SCFD2: variants seen among roughly 807,000 people sequenced by gnomAD.
The protein encoded by SCFD2 is sec1 family domain-containing protein 2.
Under a neutral mutation model 58.9 loss-of-function variants are expected in SCFD2, and 54 were observed. The observed-to-expected ratio is 0.92, with a 90% CI of 0.74 to 1.15. SCFD2 has a LOEUF of 1.15. Among genes scored for constraint, SCFD2 ranks in the 50% most tolerant of loss-of-function variants. SCFD2 has a pLI of 0.00. For synonymous variants in SCFD2, 321 were observed against 335.9 expected (o/e 0.96, Z 0.49); for missense variants, 805 against 836.6 (o/e 0.96, Z 0.47).
intron 5 of SCFD2, among the ~76,000 whole-genome samples, chr4:53,031,536 G>C (rs1722615484): frequency 6.6e-6 from 1 of 152,126 alleles, no homozygotes; most frequent in South Asian, 2.1e-4. Flanking sequence ...CCATGACAAA[G>C]ACAAAAGTTT....
intron 1 of SCFD2, among the ~76,000 whole-genome samples, chr4:53,359,160 T>C (rs1384971267): frequency 6.6e-6 from 1 of 152,224 alleles, no homozygotes; most frequent in African/African-American, 2.4e-5. Flanking sequence ...GAAACTTGTC[T>C]ACATTGTAAA....
intron 5 of SCFD2, among the ~76,000 whole-genome samples, chr4:53,012,812 TTC>T (rs1386133262): frequency 2.6e-5 from 3 of 115,920 alleles, no homozygotes; most frequent in East Asian, 5.6e-4. Context: ...CTCCCCTCCT[TTC>T]TGTGTGTGTG....
Position 53,027,449 on chromosome 4 carries a change from G to A in SCFD2, c.1562-106579C>T, listed in dbSNP as rs145851699. 4.6e-5 allele frequency among the ~76,000 whole-genome samples: 7 copies of A among 152,264 alleles called. No homozygotes were observed. The East Asian group carries it at 1.3e-3, about 29-fold the overall frequency. On this transcript the variant is annotated intron_variant, in intron 5 of 8. Coordinates refer to ENST00000401642, the MANE Select transcript of SCFD2 (RefSeq NM_152540.4). ...ATAACTCCACCTACTCTTTGCATTT[G>A]TTACTTTGGCAATTCTTTAAGTTCT... is the stretch of plus-strand genomic sequence containing the variant.
intron 2 of SCFD2, among the ~76,000 whole-genome samples, chr4:53,324,563 G>A (rs1282002995): frequency 2.0e-5 from 3 of 152,156 alleles, no homozygotes; most frequent in Non-Finnish European, 4.4e-5. Context: ...CACCAGCGTT[G>A]GTCAAGAGGC....
At chr4:53,347,237 C>A (rs1339566883) in intron 2 of SCFD2, among the ~76,000 whole-genome samples, 1 of 152,204 alleles carries the variant, frequency 6.6e-6, no homozygotes, top group Non-Finnish European at 1.5e-5. Context: ...GTCTAGAGAT[C>A]CCCATGCCCT....
chr4:53,260,847 T>C (rs1442823176), intron 4 of SCFD2, among the ~76,000 whole-genome samples: 2 of 152,182 alleles, frequency 1.3e-5, no homozygotes, highest in Non-Finnish European at 2.9e-5. Flanking sequence ...TGTGAATCCA[T>C]CTGGTCCTGG....
intron 5 of SCFD2, among the ~76,000 whole-genome samples, chr4:53,009,084 C>T (rs560741781): frequency 1.3e-5 from 2 of 152,278 alleles, no homozygotes; most frequent in South Asian, 4.1e-4. Flanking sequence ...GACGAACTTG[C>T]CATCTTCCAT....
chr4:53,223,575 G>A (rs1396678535), intron 4 of SCFD2, among the ~76,000 whole-genome samples: 4 of 152,100 alleles, frequency 2.6e-5, no homozygotes, highest in Admixed American at 6.5e-5. Flanking sequence ...TGTCTTTCCC[G>A]TCCTTCCCTA....
intron 5 of SCFD2, among the ~76,000 whole-genome samples, chr4:52,964,020 T>A (rs536244593): frequency 5.3e-5 from 8 of 152,212 alleles, no homozygotes; most frequent in Non-Finnish European, 1.2e-4. Context: ...TGTCATTAAT[T>A]GGGAAAAAGA....
intron 4 of SCFD2, among the ~76,000 whole-genome samples, chr4:53,259,320 G>A (rs780813871): frequency 1.7e-4 from 26 of 152,132 alleles, no homozygotes; most frequent in East Asian, 9.6e-4. Flanking sequence ...CGGTTTGTCC[G>A]ATGTTATCTT....
intron 7 of SCFD2, among the ~76,000 whole-genome samples, chr4:52,904,880 AC>A (rs1181410667): frequency 1.3e-5 from 2 of 152,138 alleles, no homozygotes; most frequent in Non-Finnish European, 2.9e-5. Context: ...GGAGAGTAAG[AC>A]CCAATCCCAG....
rs781311760 is a variant in SCFD2, at chr4:53,352,620, G to A, written c.985C>T (p.Pro329Ser). 2 of 1,613,466 alleles carry A rather than the reference G, an allele frequency of 1.2e-6. No individual in the cohort carries two copies. The highest frequency in any genetic ancestry group is 1.1e-5 in the South Asian group (1 of 90,970). ...TEEENYNVVA[P>S]GCLSQSSDTT... ...TACCTGGATTGTGAAAGACAGCCTG[G>A]TGCAACCACATTATAATTTTCCTCC... Residue 329 changes from proline (P) to serine (S), a missense_variant, in exon 2 of 9, where the codon CCA (proline) becomes TCA (serine). Coordinates refer to ENST00000401642, the MANE Select transcript of SCFD2 (RefSeq NM_152540.4).
At chr4:52,953,553 A>C (rs17082212) in intron 5 of SCFD2, among the ~76,000 whole-genome samples, 2,869 of 152,314 alleles carry the variant, frequency 0.019, 102 homozygotes, top group African/African-American at 0.066. Context: ...GGGGAGTCAA[A>C]GCATTTCTTT....
intron 4 of SCFD2, among the ~76,000 whole-genome samples, chr4:53,162,322 T>C (rs1726876915): frequency 6.6e-6 from 1 of 152,182 alleles, no homozygotes; most frequent in African/African-American, 2.4e-5. Context: ...GAATGGAGAA[T>C]GTGATACTGC....
chr4:53,324,010 T>G (rs769990708), intron 2 of SCFD2, among the ~76,000 whole-genome samples: 1 of 152,146 alleles, frequency 6.6e-6, no homozygotes, highest in Admixed American at 6.6e-5. Context: ...GTCTTGAATA[T>G]TTCCCACAAG....
At chr4:53,196,324 A>T (rs1367135304) in intron 4 of SCFD2, among the ~76,000 whole-genome samples, 1 of 152,166 alleles carries the variant, frequency 6.6e-6, no homozygotes, top group African/African-American at 2.4e-5. Flanking sequence ...TTCAAACAAC[A>T]GTGTATGCTG....
chr4:53,253,205 G>A (rs1363228792), intron 4 of SCFD2, among the ~76,000 whole-genome samples: 1 of 152,216 alleles, frequency 6.6e-6, no homozygotes, highest in Non-Finnish European at 1.5e-5. Flanking sequence ...TCTCCCACCA[G>A]TTAGAATGGC....
chr4:53,214,397 G>C (rs966461745), intron 4 of SCFD2, among the ~76,000 whole-genome samples: 2 of 152,122 alleles, frequency 1.3e-5, no homozygotes, highest in South Asian at 4.1e-4. Flanking sequence ...GCATTTCTCT[G>C]ATGGCCACTG....
In SCFD2 at chr4:53,145,595, A is replaced by G; in HGVS notation, c.1312-13T>C. On this transcript the variant is annotated splice_polypyrimidine_tract_variant and intron_variant, in intron 4 of 8. Transcript: ENST00000401642. ...ACTCCCCAATGCTCTAAAATAAAAA[A>G]TGATATGAAAATATGTCAATCTTGT... 5.0e-6 allele frequency: 8 copies of G among 1,605,234 alleles called. No homozygotes were observed. Among genetic ancestry groups the G allele is most frequent in the Non-Finnish European group, 6.8e-6 (8 of 1,176,258 alleles).
Sources: allele counts gnomAD v4.1 joint callset (sites outside exome capture counted in the v4.1 genomes callset), GRCh38; gene constraint gnomAD v4.1.1; transcripts MANE v1.5; gene names NCBI Gene and HGNC (gene_info 2026-07-23, HGNC 2026-07-21).